GPR39: variants seen among roughly 807,000 people sequenced by gnomAD.
The protein encoded by GPR39 is zinc sensing receptor.
Under a neutral mutation model 18.4 loss-of-function variants are expected in GPR39, and 23 were observed. That is an observed-to-expected ratio of 1.25 (90% CI 0.90 to 1.77). The LOEUF (loss-of-function observed/expected upper bound fraction) is 1.77, where lower values mean the gene tolerates loss of function less well. GPR39 is among the 40% of genes most tolerant of loss of function. The pLI, the probability that GPR39 is intolerant of heterozygous loss-of-function variation, is 0.00. For missense variants in GPR39, 647 were observed against 602.4 expected (o/e 1.07, Z -0.78); for synonymous variants, 280 against 257.9 (o/e 1.09, Z -0.82).
At position 132,417,904 on chromosome 2, in the gene GPR39, T is replaced by A. The variant is rs1195439529; in HGVS notation, c.856+6T>A. 6.4e-7 allele frequency: 1 copy of A among 1,570,012 alleles called. No individual in the cohort carries two copies. The highest frequency in any genetic ancestry group is 1.1e-5 in the South Asian group (1 of 87,350). Reference sequence around the variant, plus strand: ...GCAGACCATCATCTTCCTGAGTGAGTCCTAAGTCGGGGGCAACACGTGAGC... The same window carrying A: ...GCAGACCATCATCTTCCTGAGTGAGACCTAAGTCGGGGGCAACACGTGAGC... On this transcript the variant is annotated splice_donor_region_variant and intron_variant, in intron 1 of 1. Coordinates refer to ENST00000329321, the MANE Select transcript of GPR39 (RefSeq NM_001508.3).
At chr2:132,419,470 A>T (rs1361797048) in intron 1 of GPR39, among the ~76,000 whole-genome samples, 1 of 152,232 alleles carries the variant, frequency 6.6e-6, no homozygotes, top group Admixed American at 6.5e-5. Flanking sequence ...AAGCATAGGT[A>T]AGCCTGGTGG....
intron 1 of GPR39, among the ~76,000 whole-genome samples, chr2:132,637,288 G>GC (rs1681778978): frequency 6.6e-6 from 1 of 152,226 alleles, no homozygotes; most frequent in Non-Finnish European, 1.5e-5. Context: ...TTGTACTGAA[G>GC]CTTGTACAGC....
In GPR39 at chr2:132,551,931, A is replaced by C. The variant is rs1680052097; in HGVS notation, c.857-93170A>C. ...ATCCATCACTGAGAAAATAAGAAAA[A>C]ACATTTGGGGCACAGGACTTGGGGA... On this transcript the variant is annotated intron_variant, in intron 1 of 1. Transcript: ENST00000329321. Among the ~76,000 whole-genome samples the C allele has an allele frequency of 2.0e-5, 3 of 152,116 alleles. No homozygotes were observed. In the South Asian group the frequency reaches 6.2e-4, roughly 32 times the overall value.
chr2:132,417,843 GA>G lies in GPR39; in HGVS notation c.803del (p.Lys268SerfsTer18). ...AGGTRPPQLR[K>X]SESEESRTAR... ...GGGGCACGCGGCCTCCGCAGCTGAG[GA>G]AGTCCGAGAGCGAAGAGAGCAGGAC... On this transcript the variant is annotated frameshift_variant, in exon 1 of 2. Coordinates refer to ENST00000329321, the MANE Select transcript of GPR39 (RefSeq NM_001508.3). LOFTEE classifies it high-confidence loss of function. 6.2e-7 allele frequency: 1 copy of G among 1,612,498 alleles called. No individual in the cohort carries two copies. Among genetic ancestry groups the G allele is most frequent in the Non-Finnish European group, 8.5e-7 (1 of 1,179,942 alleles).
At chr2:132,533,943 A>G (rs1679692643) in intron 1 of GPR39, among the ~76,000 whole-genome samples, 1 of 152,246 alleles carries the variant, frequency 6.6e-6, no homozygotes, top group Non-Finnish European at 1.5e-5. Context: ...CAAGGACTTC[A>G]TGTCTAAAAC....
At chr2:132,592,814 A>G (rs1680870518) in intron 1 of GPR39, among the ~76,000 whole-genome samples, 2 of 152,126 alleles carry the variant, frequency 1.3e-5, no homozygotes, top group Admixed American at 1.3e-4. Flanking sequence ...AATGTGAGAG[A>G]TATAGAAGTC....
At chr2:132,519,662 G>T (rs1679389482) in intron 1 of GPR39, among the ~76,000 whole-genome samples, 1 of 152,212 alleles carries the variant, frequency 6.6e-6, no homozygotes, top group African/African-American at 2.4e-5. Flanking sequence ...GGGCATGGGG[G>T]AGTACATGAG....
intron 1 of GPR39, among the ~76,000 whole-genome samples, chr2:132,540,838 G>A (rs1679848895): frequency 6.6e-6 from 1 of 152,008 alleles, no homozygotes; most frequent in Admixed American, 6.5e-5. Flanking sequence ...CTGGGCTGGG[G>A]CTGGATTCTG....
At chr2:132,454,487 T>G (rs1573609968) in intron 1 of GPR39, among the ~76,000 whole-genome samples, 1 of 152,228 alleles carries the variant, frequency 6.6e-6, no homozygotes, top group Non-Finnish European at 1.5e-5. Flanking sequence ...TTCTCTTGCC[T>G]GATTGCCCTG....
intron 1 of GPR39, among the ~76,000 whole-genome samples, chr2:132,592,466 A>G (rs1346132421): frequency 6.6e-6 from 1 of 152,182 alleles, no homozygotes; most frequent in Non-Finnish European, 1.5e-5. Flanking sequence ...AAATGAGGTC[A>G]GGGAAAAAAG....
chr2:132,542,452 T>G (rs546359754), intron 1 of GPR39, among the ~76,000 whole-genome samples: 7 of 152,284 alleles, frequency 4.6e-5, no homozygotes, highest in Admixed American at 3.9e-4. Context: ...CTAAGAAGAT[T>G]AGATCAGTTA....
chr2:132,529,350 G>T (rs1417574804), intron 1 of GPR39, among the ~76,000 whole-genome samples: 1 of 152,340 alleles, frequency 6.6e-6, no homozygotes, highest in East Asian at 1.9e-4. Context: ...AAACAAAGTG[G>T]CCAGGAAGCT....
At chr2:132,587,267 A>C (rs1443377225) in intron 1 of GPR39, among the ~76,000 whole-genome samples, 1 of 152,224 alleles carries the variant, frequency 6.6e-6, no homozygotes, top group African/African-American at 2.4e-5. Flanking sequence ...AACAAACAAA[A>C]GCATAGAAAC....
intron 1 of GPR39, among the ~76,000 whole-genome samples, chr2:132,597,594 G>C (rs981648359): frequency 6.6e-6 from 1 of 152,200 alleles, no homozygotes; most frequent in African/African-American, 2.4e-5. Context: ...TGGAAGCCCT[G>C]CCTCACATTC....
intron 1 of GPR39, among the ~76,000 whole-genome samples, chr2:132,427,264 A>AC (rs1680142465): frequency 6.8e-6 from 1 of 146,820 alleles, no homozygotes; most frequent in Non-Finnish European, 1.5e-5. Flanking sequence ...TCCCAGGTTC[A>AC]TGCCATACTC....
At chr2:132,487,713 A>G (rs927058437) in intron 1 of GPR39, among the ~76,000 whole-genome samples, 3 of 152,192 alleles carry the variant, frequency 2.0e-5, no homozygotes, top group African/African-American at 7.2e-5. Context: ...GACCTGAAAT[A>G]AATCTAAGGA....
chr2:132,444,095 G>C (rs189740349), intron 1 of GPR39, among the ~76,000 whole-genome samples: 2 of 152,070 alleles, frequency 1.3e-5, no homozygotes, highest in African/African-American at 4.8e-5. Flanking sequence ...TCATTATGAA[G>C]GTGTATTTGT....
At chr2:132,586,220 G>A (rs1485406543) in intron 1 of GPR39, among the ~76,000 whole-genome samples, 1 of 152,036 alleles carries the variant, frequency 6.6e-6, no homozygotes, top group African/African-American at 2.4e-5. Flanking sequence ...GGGGAGAGGG[G>A]AGCAACAAAA....
intron 1 of GPR39, among the ~76,000 whole-genome samples, chr2:132,581,187 C>T (rs1041175218): frequency 3.9e-5 from 6 of 151,990 alleles, no homozygotes; most frequent in Non-Finnish European, 8.8e-5. Flanking sequence ...TTTCTGCGGG[C>T]TTTATTTTGT....
Sources: gnomAD v4.1 joint callset for allele counts (sites outside exome capture counted in the v4.1 genomes callset) on GRCh38, gnomAD v4.1.1 for gene constraint, MANE v1.5 for transcripts, NCBI Gene and HGNC (gene_info 2026-07-23, HGNC 2026-07-21) for gene names.